Variants in CRAMP1 observed in about 807,000 individuals in gnomAD.
The protein encoded by CRAMP1 is cramped chromatin regulator 1, also known as protein cramped-like.
A neutral mutation model predicts 115.4 loss-of-function variants in CRAMP1; 50 were observed. The observed-to-expected ratio is 0.43, with a 90% CI of 0.35 to 0.55. The LOEUF (loss-of-function observed/expected upper bound fraction) is 0.55, where lower values mean the gene tolerates loss of function less well. CRAMP1 is among the 20% of genes least tolerant of loss of function. The pLI, the probability that CRAMP1 is intolerant of heterozygous loss-of-function variation, is 0.01. For synonymous variants in CRAMP1, 866 were observed against 745.4 expected (o/e 1.16, Z -2.64); for missense variants, 1,679 against 1,721.7 (o/e 0.98, Z 0.44).
chr16:1,634,847 CAG>C (rs2036574714), intron 4 of CRAMP1, among the ~76,000 whole-genome samples: 1 of 152,228 alleles, frequency 6.6e-6, no homozygotes, highest in South Asian at 2.1e-4. Context: ...GCGCATCAAA[CAG>C]AGTGGCAACT....
At chr16:1,627,136 G>T (rs1259954508) in intron 3 of CRAMP1, among the ~76,000 whole-genome samples, 1 of 152,042 alleles carries the variant, frequency 6.6e-6, no homozygotes, top group Non-Finnish European at 1.5e-5. Context: ...GTTCGTGATC[G>T]GTGAGCCTTG....
chr16:1,657,138 C>G (rs904103928), intron 10 of CRAMP1, 146 bp downstream of exon 10: 2 of 743,064 alleles, frequency 2.7e-6, no homozygotes, highest in East Asian at 2.8e-5. Context: ...CAGGAGCCTT[C>G]AGGACCTCAA....
intron 20 of CRAMP1, among the ~76,000 whole-genome samples, chr16:1,673,086 T>G (rs9935203): frequency 0.17 from 25,045 of 148,484 alleles, 2,940 homozygotes; most frequent in African/African-American, 0.33. Flanking sequence ...CTGTCCTCAT[T>G]TCTCTGACGG....
intron 6 of CRAMP1, among the ~76,000 whole-genome samples, chr16:1,651,505 A>G (rs1026184240): frequency 2.0e-5 from 3 of 150,812 alleles, no homozygotes; most frequent in Admixed American, 6.6e-5. Context: ...GATTGAGGTC[A>G]CACACAGGTC....
At position 1,656,666 on chromosome 16, in the gene CRAMP1, G is replaced by T; in HGVS notation, c.1909G>T (p.Ala637Ser). The stretch of plus-strand genomic sequence containing the variant: ...CACTAAAGACTTGGCAGATGCACCT[G>T]CGGAGGAGCTCCAGGAGAAGGGGAG... ...VCTKDLADAPAEELQEKGSPA... is the reference protein window; with the variant it reads ...VCTKDLADAPSEELQEKGSPA... The change falls in exon 10 of 21, where the codon GCG becomes TCG. Residue 637 changes from alanine (A) to serine (S), a missense_variant. Physicochemically the swap from Ala to Ser is moderately conservative, Grantham distance 99 (BLOSUM62 1). Coordinates refer to ENST00000397412, the MANE Select transcript of CRAMP1 (RefSeq NM_020825.4). The surrounding 1 kb of genome is among the most constrained non-coding windows in gnomAD (Gnocchi z 5.6). 1 of 1,573,528 alleles carries T rather than the reference G, an allele frequency of 6.4e-7. No individual in the cohort carries two copies.
At position 1,662,485 on chromosome 16, in the gene CRAMP1, C is replaced by A; in HGVS notation, c.2414-5C>A. ...TCACACTGATTCTCTCCTCTCCTCT[C>A]CCAGGTTTGAGAAACCCTCCAAGAC... On this transcript the variant is annotated splice_polypyrimidine_tract_variant and splice_region_variant and intron_variant, in intron 11 of 20. Transcript: ENST00000397412. 1 of 1,612,160 alleles carries A rather than the reference C, an allele frequency of 6.2e-7. No homozygotes were observed. Among genetic ancestry groups the A allele is most frequent in the Non-Finnish European group, 8.5e-7 (1 of 1,178,358 alleles).
chr16:1,665,891 GT>G, intron 14 of CRAMP1, 181 bp from the exon 15 acceptor site: 1 of 592,760 alleles, frequency 1.7e-6, no homozygotes, highest in East Asian at 2.8e-5. Context: ...CTTGTGTCAC[GT>G]TGGGGGCCTG....
At position 1,659,892 on chromosome 16, in the gene CRAMP1, G is replaced by A; in HGVS notation, c.2242G>A (p.Glu748Lys). The change falls in exon 11 of 21, where the codon GAA (glutamate) becomes AAA (lysine). Residue 748 changes from glutamate to lysine, a missense_variant. Around this residue, in one of 8 missense-constraint regions of CRAMP1, gnomAD observed 709 missense variants for 741.9 expected, o/e 0.96. Transcript: ENST00000397412. ...STEVNPKLAL[E>K]ANTISTASVR... ...TGGCCCATTTCTGTCCTAGGCTCTGGAAGCAAACACCATCTCTACAGCCTC... is the reference window on the plus strand; with the variant it reads ...TGGCCCATTTCTGTCCTAGGCTCTGAAAGCAAACACCATCTCTACAGCCTC... The A allele has an allele frequency of 6.2e-7, 1 of 1,613,320 alleles. No individual in the cohort carries two copies. Among genetic ancestry groups the A allele is most frequent in the Non-Finnish European group, 8.5e-7 (1 of 1,179,828 alleles).
chr16:1,638,453 A>G (rs1207678751), intron 5 of CRAMP1, among the ~76,000 whole-genome samples: 1 of 152,136 alleles, frequency 6.6e-6, no homozygotes, highest in African/African-American at 2.4e-5. Context: ...CTTCTGAGAC[A>G]TTGCAACGCG....
Position 1,656,376 on chromosome 16 carries a change from C to T in CRAMP1, c.1619C>T (p.Ala540Val). 2 of 1,598,482 alleles carry T rather than the reference C, an allele frequency of 1.3e-6. No individual in the cohort carries two copies. The highest frequency in any genetic ancestry group is 1.7e-6 in the Non-Finnish European group (2 of 1,172,878). Reference protein sequence around the residue: ...GRDSPTREPGALPCACGQLPD... With the variant: ...GRDSPTREPGVLPCACGQLPD... ...GACAGTCCCACCCGGGAGCCAGGGG[C>T]CTTGCCGTGTGCCTGTGGCCAGCTC... The change falls in exon 10 of 21, where the codon GCC becomes GTC. Residue 540 changes from alanine (A) to valine (V), a missense_variant. Transcript: ENST00000397412. The surrounding 1 kb of genome is among the most constrained non-coding windows in gnomAD (Gnocchi z 5.6).
At position 1,669,444 on chromosome 16, in the gene CRAMP1, G is replaced by A. The variant is rs1238002025; in HGVS notation, c.3499+279G>A. Among the ~76,000 whole-genome samples, 1 of 152,176 alleles carries A rather than the reference G, an allele frequency of 6.6e-6. No individual in the cohort carries two copies. The highest frequency in any genetic ancestry group is 2.4e-5 in the African/African-American group (1 of 41,438). On this transcript the variant is annotated intron_variant, in intron 19 of 20. Transcript: ENST00000397412. This position sits in a 1 kb window ranked among gnomAD's most constrained non-coding sequence, Gnocchi z 4.6. ...CTAGAACATTCCCGTGACCCCAGATGCTGGGTTCTGTGTGCCTTCCCAGTC... is the reference window on the plus strand; with the variant it reads ...CTAGAACATTCCCGTGACCCCAGATACTGGGTTCTGTGTGCCTTCCCAGTC...
At chr16:1,665,801 C>T (rs2036869304) in intron 14 of CRAMP1, 1 of 468,704 alleles carries the variant, frequency 2.1e-6, no homozygotes, top group Non-Finnish European at 3.9e-6. Flanking sequence ...TGTCACCCTT[C>T]AAGAGCCATT....
intron 1 of CRAMP1, among the ~76,000 whole-genome samples, 78 bp downstream of exon 1, chr16:1,612,735 G>C (rs1032922080): frequency 7.9e-5 from 12 of 151,928 alleles, no homozygotes; most frequent in Non-Finnish European, 1.6e-4. Flanking sequence ...GGAGAGCGCG[G>C]GGGGGGCGTC....
At position 1,656,013 on chromosome 16, in the gene CRAMP1, A is replaced by C; in HGVS notation, c.1256A>C (p.Lys419Thr). ...GGCGTGGCTCGCGTGGTGCACTCCA[A>C]GGCCTTCTGCACAGTGCACTGGCAG... Reference protein sequence around the residue: ...LPGVARVVHSKAFCTVHWQEG... With the variant: ...LPGVARVVHSTAFCTVHWQEG... Residue 419 changes from lysine to threonine, a missense_variant, in exon 10 of 21, where the codon AAG (lysine) becomes ACG (threonine). Around this residue, in one of 8 missense-constraint regions of CRAMP1, gnomAD observed 191 missense variants for 236.2 expected, o/e 0.81. Coordinates refer to ENST00000397412, the MANE Select transcript of CRAMP1 (RefSeq NM_020825.4). This position sits in a 1 kb window ranked among gnomAD's most constrained non-coding sequence, Gnocchi z 5.6. The C allele has an allele frequency of 6.2e-7, 1 of 1,612,800 alleles. No individual in the cohort carries two copies. The highest frequency in any genetic ancestry group is 8.5e-7 in the Non-Finnish European group (1 of 1,179,858).
intron 2 of CRAMP1, among the ~76,000 whole-genome samples, chr16:1,616,396 G>C (rs1425814168): frequency 6.6e-6 from 1 of 152,150 alleles, no homozygotes; most frequent in Non-Finnish European, 1.5e-5. Context: ...ATGCTTTTCT[G>C]TCGGGTGTCC....
intron 2 of CRAMP1, among the ~76,000 whole-genome samples, chr16:1,618,262 A>G (rs1427217528): frequency 2.0e-5 from 3 of 152,228 alleles, no homozygotes; most frequent in African/African-American, 7.2e-5. Flanking sequence ...AGCCTGGGCA[A>G]CAAGGGTGAG....
chr16:1,659,755 C>T (rs2036809054), intron 10 of CRAMP1, 131 bp from the exon 11 acceptor site: 1 of 884,450 alleles, frequency 1.1e-6, no homozygotes, highest in Non-Finnish European at 1.8e-6. Context: ...GCGTCTCTGG[C>T]CCTGGCCTTT....
At position 1,655,279 on chromosome 16, in the gene CRAMP1, G is replaced by C. The variant is rs1199449414; in HGVS notation, c.1098G>C (p.Trp366Cys). ...TCATCGAATTCTTGAAGCAGAAGTGGGCGCTCCATGAGGTGCGAGTTGTAT... is the reference window on the plus strand; with the variant it reads ...TCATCGAATTCTTGAAGCAGAAGTGCGCGCTCCATGAGGTGCGAGTTGTAT... ...SSLIEFLKQK[W>C]ALHEVRVRKT... The change falls in exon 9 of 21, where the codon TGG (tryptophan) becomes TGC (cysteine). Residue 366 changes from tryptophan to cysteine, a missense_variant. Trp to Cys is a radical substitution (Grantham distance 215). Around this residue, in one of 8 missense-constraint regions of CRAMP1, gnomAD observed 191 missense variants for 236.2 expected, o/e 0.81. Transcript: ENST00000397412. 1 of 1,613,852 alleles carries C rather than the reference G, an allele frequency of 6.2e-7. No homozygotes were observed. Among genetic ancestry groups the C allele is most frequent in the Non-Finnish European group, 8.5e-7 (1 of 1,179,846 alleles).
At chr16:1,635,072 AT>A (rs796174673) in intron 4 of CRAMP1, among the ~76,000 whole-genome samples, 1 of 151,818 alleles carries the variant, frequency 6.6e-6, no homozygotes. Context: ...CTAATTTTAT[AT>A]TTTTTAGGAG....
Sources: allele counts gnomAD v4.1 joint callset (sites outside exome capture counted in the v4.1 genomes callset), GRCh38; gene constraint gnomAD v4.1.1; regional missense constraint gnomAD v4.1.1; non-coding constraint Gnocchi (gnomAD v3.1); transcripts MANE v1.5; gene names NCBI Gene and HGNC (gene_info 2026-07-23, HGNC 2026-07-21).